The following CAMK4 variants were observed in gnomAD, a reference collection of about 807,000 sequenced individuals.
The protein encoded by CAMK4 is calcium/calmodulin-dependent protein kinase type IV.
In CAMK4, 22 loss-of-function variants were observed where a neutral mutation model predicts 44.9. The ratio of observed to expected loss-of-function variants is 0.49; its 90% confidence interval spans 0.35 to 0.70. The LOEUF (loss-of-function observed/expected upper bound fraction) is 0.70. Ranked by LOEUF, CAMK4 falls within the 30% of genes least tolerant of loss-of-function variation. CAMK4 has a pLI of 0.01. For missense variants in CAMK4, 498 were observed against 586.8 expected, an observed-to-expected ratio of 0.85 and a Z score of 1.56; for synonymous variants, 218 against 215.4, an observed-to-expected ratio of 1.01 and a Z score of -0.11.
At position 111,471,695 on chromosome 5, in the gene CAMK4, A is replaced by AT. The variant is rs1432481796; in HGVS notation, c.626-1610dup. On this transcript the variant is annotated intron_variant, in intron 7 of 10. Transcript: ENST00000282356. ...CAAAAAATTGTGAAATTCATGCATAATTTTTTATAATATGCATTTACCATG... is the reference window on the plus strand; with the variant it reads ...CAAAAAATTGTGAAATTCATGCATAATTTTTTTATAATATGCATTTACCATG... Among the ~76,000 whole-genome samples, 9 of 152,132 alleles carry AT rather than the reference A, an allele frequency of 5.9e-5. No individual in the cohort carries two copies. In the East Asian group the frequency reaches 1.7e-3, roughly 29 times the overall value.
intron 5 of CAMK4, among the ~76,000 whole-genome samples, chr5:111,431,750 A>C (rs1002672527): frequency 7.9e-5 from 12 of 152,224 alleles, no homozygotes; most frequent in African/African-American, 2.9e-4. Context: ...GCAAACAGGC[A>C]TATGAAAAAG....
chr5:111,255,315 C>A (rs752572642), intron 1 of CAMK4, among the ~76,000 whole-genome samples: 4 of 152,302 alleles, frequency 2.6e-5, no homozygotes, highest in East Asian at 1.9e-4. Flanking sequence ...TGGAAAAACT[C>A]TTCCCAAGTA....
chr5:111,341,193 A>G (rs1444446739), intron 1 of CAMK4, among the ~76,000 whole-genome samples: 4 of 151,426 alleles, frequency 2.6e-5, no homozygotes, highest in Middle Eastern at 3.4e-3. Flanking sequence ...AAGAGCAGAC[A>G]TTCTTAAGTG....
intron 5 of CAMK4, among the ~76,000 whole-genome samples, chr5:111,424,885 T>C (rs925116313): frequency 1.3e-5 from 2 of 151,460 alleles, no homozygotes; most frequent in African/African-American, 4.8e-5. Context: ...ACATCCCAGC[T>C]GGGTGTGGTG....
At chr5:111,266,449 A>G (rs1750251353) in intron 1 of CAMK4, among the ~76,000 whole-genome samples, 2 of 152,236 alleles carry the variant, frequency 1.3e-5, no homozygotes, top group African/African-American at 4.8e-5. Flanking sequence ...TTTTTAAGAT[A>G]TCTATGAATT....
intron 5 of CAMK4, among the ~76,000 whole-genome samples, chr5:111,409,819 G>C (rs1752568191): frequency 6.6e-6 from 1 of 152,180 alleles, no homozygotes; most frequent in Non-Finnish European, 1.5e-5. Context: ...TAACAAGAGT[G>C]ACCTTTACTC....
At chr5:111,428,139 G>A (rs925304788) in intron 5 of CAMK4, among the ~76,000 whole-genome samples, 1 of 152,252 alleles carries the variant, frequency 6.6e-6, no homozygotes, top group African/African-American at 2.4e-5. Context: ...CATCAAGGAG[G>A]TACCTCTACA....
intron 5 of CAMK4, among the ~76,000 whole-genome samples, chr5:111,434,675 A>G (rs931249567): frequency 6.6e-5 from 10 of 152,208 alleles, no homozygotes; most frequent in South Asian, 2.1e-4. Flanking sequence ...AGTAGAGGTC[A>G]ATGATAAAGA....
intron 7 of CAMK4, among the ~76,000 whole-genome samples, chr5:111,469,016 C>T (rs183167614): frequency 6.7e-6 from 1 of 148,348 alleles, no homozygotes; most frequent in Non-Finnish European, 1.5e-5. Context: ...TGGTGGCAAG[C>T]ACCTGTAATC....
At chr5:111,424,897 C>A (rs1160858200) in intron 5 of CAMK4, among the ~76,000 whole-genome samples, 2 of 151,942 alleles carry the variant, frequency 1.3e-5, no homozygotes, top group East Asian at 3.9e-4. Context: ...GGTGTGGTGG[C>A]TCACACCTGT....
intron 1 of CAMK4, among the ~76,000 whole-genome samples, chr5:111,308,857 GTATT>G (rs1748062799): frequency 6.6e-6 from 1 of 152,160 alleles, no homozygotes; most frequent in Admixed American, 6.5e-5. Context: ...AAAATTACAT[GTATT>G]TAATTATAGA....
At chr5:111,316,292 C>T (rs1027755573) in intron 1 of CAMK4, among the ~76,000 whole-genome samples, 2 of 152,160 alleles carry the variant, frequency 1.3e-5, no homozygotes, top group African/African-American at 4.8e-5. Flanking sequence ...TATGACCATC[C>T]TTTGCTGTTT....
At chr5:111,354,248 CAGAG>C (rs930320863) in intron 2 of CAMK4, among the ~76,000 whole-genome samples, 1 of 151,936 alleles carries the variant, frequency 6.6e-6, no homozygotes, top group Non-Finnish European at 1.5e-5. Flanking sequence ...AAGTTGAACT[CAGAG>C]AGAGTAGAAG....
chr5:111,426,120 A>T (rs1003231333), intron 5 of CAMK4, among the ~76,000 whole-genome samples: 1 of 152,120 alleles, frequency 6.6e-6, no homozygotes, highest in Admixed American at 6.5e-5. Flanking sequence ...TAAGTAGGTT[A>T]TTTTCTCTGG....
chr5:111,492,209 C>T lies in CAMK4; in HGVS notation c.*7743C>T, dbSNP rs1755869989. ...GACCTTTGTGTTTCCGTTTGACTTT[C>T]AACATCTGTAACCAAAAGGTCACAA... On this transcript the variant is annotated 3_prime_UTR_variant, in exon 11 of 11. Transcript: ENST00000282356. 1 of 152,078 alleles carries T rather than the reference C, an allele frequency of 6.6e-6. No homozygotes were observed. The highest frequency in any genetic ancestry group is 2.4e-5 in the African/African-American group (1 of 41,402). 9.4% of individuals were successfully genotyped at this position (152,078 alleles called of 1,614,324 possible).
chr5:111,260,361 G>A (rs1034346982), intron 1 of CAMK4, among the ~76,000 whole-genome samples: 2 of 151,886 alleles, frequency 1.3e-5, no homozygotes, highest in African/African-American at 2.4e-5. Context: ...CATTCCTTTG[G>A]CCCCACCTAC....
Position 111,484,257 on chromosome 5 carries a change from G to A in CAMK4, c.1213G>A (p.Gly405Ser). The change falls in exon 11 of 11, where the codon GGT becomes AGT. Residue 405 changes from glycine to serine, a missense_variant. This residue lies in a region of CAMK4 where 143 missense variants were observed against 144.9 expected (regional missense o/e 0.99). Coordinates refer to ENST00000282356, the MANE Select transcript of CAMK4 (RefSeq NM_001744.6). This position sits in a 1 kb window ranked among gnomAD's most constrained non-coding sequence, Gnocchi z 5.3. ...MKVQALEKVK[G>S]ADINAEEAPK... ...GGTGCAAGCCTTAGAGAAAGTTAAA[G>A]GTGCAGATATAAATGCTGAAGAGGC... 1 of 1,614,146 alleles carries A rather than the reference G, an allele frequency of 6.2e-7. No homozygotes were observed. The highest frequency in any genetic ancestry group is 8.5e-7 in the Non-Finnish European group (1 of 1,180,026).
At chr5:111,480,201 T>C (rs780071169) in intron 9 of CAMK4, among the ~76,000 whole-genome samples, 2 of 148,120 alleles carry the variant, frequency 1.4e-5, no homozygotes, top group Non-Finnish European at 3.0e-5. Context: ...TGCTCTGTAA[T>C]GTTCTTTCTT....
intron 1 of CAMK4, among the ~76,000 whole-genome samples, chr5:111,237,877 T>TA (rs1748802075): frequency 6.6e-6 from 1 of 152,220 alleles, no homozygotes; most frequent in African/African-American, 2.4e-5. Flanking sequence ...GGATATTATT[T>TA]AAAAGCCATC....
Sources: allele counts gnomAD v4.1 joint callset (sites outside exome capture counted in the v4.1 genomes callset), GRCh38; gene constraint gnomAD v4.1.1; regional missense constraint gnomAD v4.1.1; non-coding constraint Gnocchi (gnomAD v3.1); transcripts MANE v1.5; gene names NCBI Gene and HGNC (gene_info 2026-07-23, HGNC 2026-07-21).